Variants in TDP1 observed in about 807,000 individuals in gnomAD.
The protein encoded by TDP1 is tyrosyl-DNA phosphodiesterase 1.
TDP1 carries 64 observed loss-of-function variants against 81.5 expected under a neutral mutation model. The ratio of observed to expected loss-of-function variants is 0.79; its 90% CI spans 0.64 to 0.97. The LOEUF is 0.97. Ranked by LOEUF, TDP1 falls within the 50% of genes least tolerant of loss-of-function variation. TDP1 has a pLI of 0.00. For synonymous variants in TDP1, 256 were observed against 264.3 expected (o/e 0.97, Z 0.30); for missense variants, 723 against 743.8 (o/e 0.97, Z 0.33).
intron 14 of TDP1, among the ~76,000 whole-genome samples, chr14:89,998,018 G>GA (rs1012046184): frequency 1.3e-5 from 2 of 151,988 alleles, no homozygotes; most frequent in Admixed American, 6.6e-5. Flanking sequence ...GTGCTATAGA[G>GA]AAAAAATAGA....
intron 7 of TDP1, among the ~76,000 whole-genome samples, chr14:89,977,533 G>A (rs112282713): frequency 6.6e-6 from 1 of 152,144 alleles, no homozygotes; most frequent in Non-Finnish European, 1.5e-5. Flanking sequence ...CCTGACCTCA[G>A]GTGATCCACC....
Position 89,967,390 on chromosome 14 carries a change from C to G in TDP1, c.627C>G (p.Asp209Glu). 2.5e-6 allele frequency: 4 copies of G among 1,614,092 alleles called. No homozygotes were observed. The highest frequency in any genetic ancestry group is 3.4e-6 in the Non-Finnish European group (4 of 1,179,930). Residue 209 changes from aspartate to glutamate, a missense_variant, in exon 5 of 17, where the codon GAC becomes GAG. Physicochemically the swap from Asp to Glu is conservative, Grantham distance 45. Coordinates refer to ENST00000335725, the MANE Select transcript of TDP1 (RefSeq NM_018319.4). ...AGTTTAACTACTGCTTTGACGTGGACTGGCTCGTAAAACAGTATCCACCAG... is the reference window on the plus strand; with the variant it reads ...AGTTTAACTACTGCTTTGACGTGGAGTGGCTCGTAAAACAGTATCCACCAG... ...SAQFNYCFDV[D>E]WLVKQYPPEF...
chr14:89,981,183 A>G (rs1156565075), intron 8 of TDP1, among the ~76,000 whole-genome samples: 1 of 152,122 alleles, frequency 6.6e-6, no homozygotes, highest in Non-Finnish European at 1.5e-5. Context: ...CCACTCCCCC[A>G]GTTGGTGTAT....
rs1888345480 is a variant in TDP1 at position 90,041,459 on chromosome 14, C to T, written c.1754-1611C>T. ...CTGCCATCTTTGGTATTTTTTCCTA[C>T]CTATCCTGCTGGGTGCTGCTGTTCG... On this transcript the variant is annotated intron_variant, in intron 16 of 16. Transcript: ENST00000335725. 2.6e-5 allele frequency among the ~76,000 whole-genome samples: 4 copies of T among 152,200 alleles called. No homozygotes were observed. The South Asian group carries it at 8.3e-4, about 31-fold the overall frequency.
intron 2 of TDP1, chr14:89,957,316 T>G (rs1652880903): frequency 6.6e-6 from 1 of 152,262 alleles, no homozygotes; most frequent in African/African-American, 2.4e-5. Flanking sequence ...TGTTAACGCC[T>G]CATTCCCAGT....
At chr14:89,982,488 C>T (rs959698226) in intron 8 of TDP1, among the ~76,000 whole-genome samples, 5 of 152,138 alleles carry the variant, frequency 3.3e-5, no homozygotes, top group African/African-American at 1.2e-4. Context: ...AGGGATTTCT[C>T]AGGTTAGCTC....
chr14:90,043,217 TGTC>T lies in TDP1; in HGVS notation c.*75_*77del. ...CATGGAATCTCTTCTTTGTACTGGA[TGTC>T]CACTTCCCTTAAAGTCTTATTTGCA... On this transcript the variant is annotated 3_prime_UTR_variant, in exon 17 of 17. Transcript: ENST00000335725. 1 of 1,585,492 alleles carries T rather than the reference TGTC, an allele frequency of 6.3e-7. No individual in the cohort carries two copies. Among genetic ancestry groups the T allele is most frequent in the African/African-American group, 1.4e-5 (1 of 73,920 alleles).
chr14:89,971,118 G>A (rs1161879137), intron 5 of TDP1, 57 bp from the exon 6 acceptor site: 1 of 1,472,754 alleles, frequency 6.8e-7, no homozygotes, highest in Non-Finnish European at 9.5e-7. Flanking sequence ...TTACAGGTGT[G>A]AGCCACTGAG....
intron 14 of TDP1, among the ~76,000 whole-genome samples, chr14:90,013,977 A>C (rs1241161760): frequency 6.6e-6 from 1 of 152,202 alleles, no homozygotes; most frequent in Non-Finnish European, 1.5e-5. Flanking sequence ...TCTTTCCTTT[A>C]TAAATTACCC....
chr14:90,041,611 A>G (rs1055747223), intron 16 of TDP1, among the ~76,000 whole-genome samples: 1 of 152,210 alleles, frequency 6.6e-6, no homozygotes, highest in African/African-American at 2.4e-5. Flanking sequence ...CCCAGAGGCG[A>G]GTTCGCAGTT....
chr14:89,962,286 G>T (rs1892415697), intron 2 of TDP1, among the ~76,000 whole-genome samples: 1 of 152,070 alleles, frequency 6.6e-6, no homozygotes, highest in South Asian at 2.1e-4. Context: ...TGGTCATTTG[G>T]CTTTCCTCTT....
chr14:89,971,042 GC>G (rs1893573824), intron 5 of TDP1, 132 bp from the exon 6 acceptor site: 1 of 717,406 alleles, frequency 1.4e-6, no homozygotes, highest in Admixed American at 2.0e-5. Context: ...CACCATGTTG[GC>G]CAGTCTGGTC....
chr14:89,969,532 A>T (rs755493427), intron 5 of TDP1, among the ~76,000 whole-genome samples: 338 of 152,356 alleles, frequency 2.2e-3, no homozygotes, highest in Non-Finnish European at 3.6e-3. Flanking sequence ...AATCTTTTTA[A>T]TAACATGACT....
intron 10 of TDP1, 145 bp from the exon 11 acceptor site, chr14:89,988,760 T>C: frequency 8.6e-6 from 13 of 1,512,784 alleles, no homozygotes; most frequent in Non-Finnish European, 1.1e-5. Context: ...GAAGTATGTA[T>C]GTGTGGGTAT....
intron 14 of TDP1, among the ~76,000 whole-genome samples, chr14:90,012,961 G>A (rs950536407): frequency 3.8e-4 from 58 of 152,352 alleles, no homozygotes; most frequent in African/African-American, 1.3e-3. Flanking sequence ...GGAGCTTTAA[G>A]ATTTGACTGC....
At chr14:89,976,527 CTTT>C (rs35744477) in intron 7 of TDP1, among the ~76,000 whole-genome samples, 73 of 88,712 alleles carry the variant, frequency 8.2e-4, no homozygotes, top group African/African-American at 3.5e-3. Context: ...CAACAGAGCT[CTTT>C]TTTTTTTTTT....
intron 12 of TDP1, 23 bp from the exon 13 acceptor site, chr14:89,991,894 T>C (rs893403485): frequency 1.3e-6 from 2 of 1,595,942 alleles, no homozygotes; most frequent in Non-Finnish European, 8.5e-7. Flanking sequence ...ATAATTTTTA[T>C]TGTTTTATTT....
chr14:90,026,468 TTTA>T (rs1252453482), intron 15 of TDP1, among the ~76,000 whole-genome samples: 2 of 152,252 alleles, frequency 1.3e-5, no homozygotes, highest in Non-Finnish European at 2.9e-5. Flanking sequence ...TTTTCTTTTT[TTTA>T]TTATTATACT....
At chr14:90,020,887 C>G (rs564176022) in intron 15 of TDP1, among the ~76,000 whole-genome samples, 147 of 150,240 alleles carry the variant, frequency 9.8e-4, no homozygotes, top group Non-Finnish European at 1.7e-3. Flanking sequence ...CCTCCACCTC[C>G]AGGGTTCAAG....
Sources: gnomAD v4.1 joint callset for allele counts (sites outside exome capture counted in the v4.1 genomes callset) on GRCh38, gnomAD v4.1.1 for gene constraint, MANE v1.5 for transcripts, NCBI Gene and HGNC (gene_info 2026-07-23, HGNC 2026-07-21) for gene names.